Variants in KCNIP4 observed in about 807,000 individuals in gnomAD.
The protein encoded by KCNIP4 is potassium voltage-gated channel interacting protein 4.
KCNIP4 carries 12 observed loss-of-function variants against 34.0 expected under a neutral mutation model. That is an observed-to-expected ratio of 0.35 (90% CI 0.23 to 0.57). KCNIP4 has a LOEUF of 0.57. Among genes scored for constraint, KCNIP4 ranks in the 20% least tolerant of loss-of-function variants. The pLI is 0.83. For synonymous variants in KCNIP4, 124 were observed against 102.2 expected (o/e 1.21, Z -1.29); for missense variants, 238 against 311.7 (o/e 0.76, Z 1.78).
chr4:21,362,817 G>A (rs936605407), intron 1 of KCNIP4, among the ~76,000 whole-genome samples: 3 of 152,072 alleles, frequency 2.0e-5, no homozygotes, highest in Non-Finnish European at 4.4e-5. Context: ...TGCAGACTAG[G>A]TAGCCCTTAT....
chr4:21,065,890 G>T (rs1430517339), intron 1 of KCNIP4, among the ~76,000 whole-genome samples: 1 of 151,264 alleles, frequency 6.6e-6, no homozygotes, highest in Non-Finnish European at 1.5e-5. Context: ...GACCCCAGAA[G>T]AATAATGATT....
At chr4:21,885,123 T>C (rs1488775431) in intron 1 of KCNIP4, among the ~76,000 whole-genome samples, 1 of 152,158 alleles carries the variant, frequency 6.6e-6, no homozygotes, top group Non-Finnish European at 1.5e-5. Context: ...GCATCTCTAG[T>C]ACTTTCTGCA....
At chr4:21,221,851 C>T (rs1016789558) in intron 1 of KCNIP4, among the ~76,000 whole-genome samples, 1 of 152,166 alleles carries the variant, frequency 6.6e-6, no homozygotes, top group African/African-American at 2.4e-5. Context: ...TAGGCAGCCC[C>T]ATGAATAAAA....
chr4:21,217,507 T>G (rs1246052170), intron 1 of KCNIP4, among the ~76,000 whole-genome samples: 1 of 152,148 alleles, frequency 6.6e-6, no homozygotes, highest in Non-Finnish European at 1.5e-5. Context: ...GCCAGTAACC[T>G]GTAGAACCCA....
At chr4:21,858,657 C>T (rs1466085437) in intron 1 of KCNIP4, among the ~76,000 whole-genome samples, 1 of 152,136 alleles carries the variant, frequency 6.6e-6, no homozygotes. Flanking sequence ...TAATAAGGTA[C>T]CACCAAAATA....
At chr4:20,969,501 TG>T (rs1734708760) in intron 1 of KCNIP4, among the ~76,000 whole-genome samples, 1 of 152,074 alleles carries the variant, frequency 6.6e-6, no homozygotes, top group Non-Finnish European at 1.5e-5. Flanking sequence ...CACATTACAG[TG>T]GGACAGGTAA....
intron 1 of KCNIP4, among the ~76,000 whole-genome samples, chr4:21,729,297 C>T (rs1307653997): frequency 1.3e-5 from 2 of 152,142 alleles, no homozygotes; most frequent in Non-Finnish European, 2.9e-5. Context: ...TTATTAGAAA[C>T]ACTTTTGCAT....
intron 1 of KCNIP4, among the ~76,000 whole-genome samples, chr4:20,987,393 G>A (rs778328558): frequency 2.9e-5 from 4 of 136,792 alleles, no homozygotes; most frequent in Admixed American, 1.5e-4. Context: ...CTCCAGCAGA[G>A]GTCTGTCTTT....
chr4:21,679,809 AGT>A (rs1156735477), intron 1 of KCNIP4, among the ~76,000 whole-genome samples: 27 of 152,190 alleles, frequency 1.8e-4, no homozygotes, highest in Admixed American at 1.8e-3. Flanking sequence ...TAGTCTATGA[AGT>A]GTGTTATTGC....
intron 1 of KCNIP4, among the ~76,000 whole-genome samples, chr4:21,928,223 A>T (rs1729379561): frequency 1.3e-5 from 2 of 152,032 alleles, no homozygotes; most frequent in African/African-American, 4.8e-5. Flanking sequence ...TTAAAGAGTC[A>T]GCTTGGGCTA....
intron 3 of KCNIP4, among the ~76,000 whole-genome samples, chr4:20,789,712 C>A (rs1040329808): frequency 2.6e-5 from 4 of 151,402 alleles, no homozygotes; most frequent in African/African-American, 9.7e-5. Flanking sequence ...GGTTAGTTTT[C>A]CTGGCTGCCA....
At chr4:20,837,438 A>T (rs1437700055) in intron 3 of KCNIP4, among the ~76,000 whole-genome samples, 1 of 151,990 alleles carries the variant, frequency 6.6e-6, no homozygotes, top group Non-Finnish European at 1.5e-5. Flanking sequence ...ACACATTTAA[A>T]TGGGGATTGT....
At chr4:21,483,424 G>T (rs902600602) in intron 1 of KCNIP4, among the ~76,000 whole-genome samples, 1 of 151,980 alleles carries the variant, frequency 6.6e-6, no homozygotes, top group Admixed American at 6.6e-5. Flanking sequence ...ATCATGGGGG[G>T]AGTTTCCAAC....
intron 1 of KCNIP4, among the ~76,000 whole-genome samples, chr4:21,075,830 C>G (rs1168311563): frequency 6.6e-6 from 1 of 152,128 alleles, no homozygotes; most frequent in Non-Finnish European, 1.5e-5. Context: ...TTAGGGCAGG[C>G]CTGGTGGTGA....
At chr4:20,796,396 C>T (rs1288835247) in intron 3 of KCNIP4, among the ~76,000 whole-genome samples, 1 of 151,968 alleles carries the variant, frequency 6.6e-6, no homozygotes, top group Admixed American at 6.6e-5. Context: ...TTTTTAACCA[C>T]GTTTTGGGTA....
At chr4:20,748,916 A>G (rs913596917) in intron 5 of KCNIP4, among the ~76,000 whole-genome samples, 2 of 147,104 alleles carry the variant, frequency 1.4e-5, no homozygotes, top group Non-Finnish European at 3.0e-5. Context: ...ATATATATAT[A>G]TGAAATACAT....
intron 1 of KCNIP4, among the ~76,000 whole-genome samples, chr4:21,151,245 G>C (rs770757751): frequency 6.6e-6 from 1 of 152,008 alleles, no homozygotes; most frequent in Non-Finnish European, 1.5e-5. Flanking sequence ...CGAGTCCTAA[G>C]TAACTCTACC....
At chr4:21,529,595 G>A (rs1337398416) in intron 1 of KCNIP4, among the ~76,000 whole-genome samples, 1 of 152,022 alleles carries the variant, frequency 6.6e-6, no homozygotes, top group East Asian at 1.9e-4. Context: ...AATATTCTCA[G>A]ACCTCCTTCT....
chr4:20,778,904 G>A (rs1284168808), intron 3 of KCNIP4, among the ~76,000 whole-genome samples: 2 of 152,132 alleles, frequency 1.3e-5, no homozygotes, highest in African/African-American at 2.4e-5. Context: ...GATTTGGAAT[G>A]AGTATGTCTT....
Sources: gnomAD v4.1 joint callset for allele counts (sites outside exome capture counted in the v4.1 genomes callset) on GRCh38, gnomAD v4.1.1 for gene constraint, MANE v1.5 for transcripts, NCBI Gene and HGNC (gene_info 2026-07-23, HGNC 2026-07-21) for gene names.